CUX2: variants seen among roughly 807,000 people sequenced by gnomAD.
CUX2 encodes the protein cut like homeobox 2.
CUX2 carries 40 observed loss-of-function variants against 144.8 expected under a neutral mutation model. That is an observed-to-expected ratio of 0.28 (90% CI 0.21 to 0.36). The LOEUF is 0.36. CUX2 is among the 10% of genes least tolerant of loss of function. The pLI, the probability that CUX2 is intolerant of heterozygous loss-of-function variation, is 1.00. For synonymous variants in CUX2, 827 were observed against 875.6 expected (o/e 0.94, Z 0.98); for missense variants, 1,615 against 1,994.0 (o/e 0.81, Z 3.62).
chr12:111,161,025 G>A (rs1877727337), intron 1 of CUX2, among the ~76,000 whole-genome samples: 2 of 152,168 alleles, frequency 1.3e-5, no homozygotes, highest in Non-Finnish European at 2.9e-5. Context: ...GCAGTGGGTG[G>A]GTGGTGGAGC....
chr12:111,324,111 G>T (rs1887661442), intron 18 of CUX2, among the ~76,000 whole-genome samples: 1 of 152,080 alleles, frequency 6.6e-6, no homozygotes. Context: ...AGCACTTTGG[G>T]AGGCCAAGGC....
At chr12:111,279,960 G>T (rs889717744) in intron 4 of CUX2, among the ~76,000 whole-genome samples, 1 of 149,574 alleles carries the variant, frequency 6.7e-6, no homozygotes, top group Non-Finnish European at 1.5e-5. Context: ...CCAGCCTGGC[G>T]AAAGAGCGAG....
intron 10 of CUX2, among the ~76,000 whole-genome samples, chr12:111,306,389 T>G (rs1886583226): frequency 6.6e-6 from 1 of 151,894 alleles, no homozygotes; most frequent in African/African-American, 2.4e-5. Flanking sequence ...CAGCCTGACT[T>G]CAGGTTCCTC....
intron 4 of CUX2, among the ~76,000 whole-genome samples, chr12:111,281,944 T>C (rs1255513541): frequency 2.6e-5 from 4 of 152,010 alleles, no homozygotes; most frequent in Non-Finnish European, 4.4e-5. Flanking sequence ...AGCCTCGGAC[T>C]GCAGCACGGC....
At chr12:111,132,270 C>T (rs890038380) in intron 1 of CUX2, among the ~76,000 whole-genome samples, 6 of 152,184 alleles carry the variant, frequency 3.9e-5, no homozygotes, top group African/African-American at 1.2e-4. Context: ...GCAGCTGGGA[C>T]ACAGGGCACC....
At chr12:111,301,433 G>A (rs1472257694) in intron 9 of CUX2, among the ~76,000 whole-genome samples, 1 of 152,256 alleles carries the variant, frequency 6.6e-6, no homozygotes, top group African/African-American at 2.4e-5. Context: ...CCTCCCAAGT[G>A]TCATGTGGAC....
chr12:111,226,729 C>A (rs930900057), intron 3 of CUX2, among the ~76,000 whole-genome samples: 1 of 152,074 alleles, frequency 6.6e-6, no homozygotes, highest in Admixed American at 6.5e-5. Context: ...TGGCCTTGTG[C>A]GAATGTTGTA....
chr12:111,093,479 A>G (rs1004897095), intron 1 of CUX2, among the ~76,000 whole-genome samples: 2 of 152,022 alleles, frequency 1.3e-5, no homozygotes, highest in Non-Finnish European at 2.9e-5. Context: ...CTCGTCTGCC[A>G]CTTCTAAAAG....
At chr12:111,244,649 G>T (rs920186082) in intron 3 of CUX2, among the ~76,000 whole-genome samples, 1 of 152,160 alleles carries the variant, frequency 6.6e-6, no homozygotes, top group Admixed American at 6.5e-5. Flanking sequence ...CTACTTACAG[G>T]TAATGCTGGG....
rs191917912 is a variant in CUX2 at position 111,209,392 on chromosome 12, T to C, written c.64-4808T>C. ...CTGGGTGACAGAGCAAGACCCTATCTAAAAAAAAATTTTGTAATTCACTAA... is the reference window on the plus strand; with the variant it reads ...CTGGGTGACAGAGCAAGACCCTATCCAAAAAAAAATTTTGTAATTCACTAA... On this transcript the variant is annotated intron_variant, in intron 1 of 21. Transcript: ENST00000261726. Among the ~76,000 whole-genome samples, 3 of 151,848 alleles carry C rather than the reference T, an allele frequency of 2.0e-5. No homozygotes were observed. In the East Asian group the frequency reaches 5.8e-4, roughly 29 times the overall value.
intron 4 of CUX2, among the ~76,000 whole-genome samples, chr12:111,269,575 G>A (rs1357698780): frequency 6.6e-6 from 1 of 152,186 alleles, no homozygotes; most frequent in Non-Finnish European, 1.5e-5. Flanking sequence ...GGGGACACCA[G>A]CATGTCTAGT....
In CUX2 at chr12:111,320,458, G is replaced by T; in HGVS notation, c.2449G>T (p.Gly817Cys). 6.3e-7 allele frequency: 1 copy of T among 1,594,326 alleles called. No individual in the cohort carries two copies. Among genetic ancestry groups the T allele is most frequent in the Non-Finnish European group, 8.5e-7 (1 of 1,176,320 alleles). Reference sequence around the variant, plus strand: ...CTCCTCCTCCTCCTCTGGCTACTCTGGCCAGCCCAACGGCCGCGCCTGGCC... The same window carrying T: ...CTCCTCCTCCTCCTCTGGCTACTCTTGCCAGCCCAACGGCCGCGCCTGGCC... ...LSSSSSSGYSGQPNGRAWPRG... is the reference protein window; with the variant it reads ...LSSSSSSGYSCQPNGRAWPRG... Residue 817 changes from glycine to cysteine, a missense_variant, in exon 17 of 22, where the codon GGC becomes TGC. Transcript: ENST00000261726. The surrounding 1 kb of genome is among the most constrained non-coding windows in gnomAD (Gnocchi z 8.1).
intron 4 of CUX2, among the ~76,000 whole-genome samples, chr12:111,280,466 T>C (rs181639322): frequency 6.6e-6 from 1 of 152,262 alleles, no homozygotes; most frequent in Admixed American, 6.5e-5. Context: ...TACTGACACC[T>C]GGATTTTGGA....
At chr12:111,316,828 T>C (rs1313739395) in intron 16 of CUX2, among the ~76,000 whole-genome samples, 2 of 152,120 alleles carry the variant, frequency 1.3e-5, no homozygotes. Flanking sequence ...TCTCTCCAGT[T>C]CACACATGTT....
chr12:111,228,536 G>A (rs1263215411), intron 3 of CUX2, among the ~76,000 whole-genome samples: 1 of 152,110 alleles, frequency 6.6e-6, no homozygotes, highest in Non-Finnish European at 1.5e-5. Flanking sequence ...CGATTCTCCT[G>A]CCTCAGCCTC....
At chr12:111,063,438 G>C (rs982227472) in intron 1 of CUX2, among the ~76,000 whole-genome samples, 3 of 152,144 alleles carry the variant, frequency 2.0e-5, no homozygotes, top group Non-Finnish European at 4.4e-5. Flanking sequence ...GAGCATGTGA[G>C]ACGCTGTGCT....
intron 1 of CUX2, among the ~76,000 whole-genome samples, chr12:111,192,111 T>G (rs1026289443): frequency 1.3e-5 from 2 of 152,034 alleles, no homozygotes; most frequent in African/African-American, 4.8e-5. Context: ...CTGAGGGGAT[T>G]ATTATTATTT....
intron 1 of CUX2, among the ~76,000 whole-genome samples, chr12:111,070,393 T>TTTCCTTCCTTCCTTCC (rs143464416): frequency 9.1e-5 from 9 of 99,374 alleles, no homozygotes; most frequent in African/African-American, 3.5e-4. Context: ...TCCTTCCTTC[T>TTTCCTTCCTTCCTTCC]TTCCTTCCTT....
chr12:111,188,542 G>A (rs991305060), intron 1 of CUX2, among the ~76,000 whole-genome samples: 2 of 152,134 alleles, frequency 1.3e-5, no homozygotes, highest in Non-Finnish European at 2.9e-5. Flanking sequence ...AAAAATCTAG[G>A]GAGAAAGAGG....
Sources: gnomAD v4.1 joint callset for allele counts (sites outside exome capture counted in the v4.1 genomes callset) on GRCh38, gnomAD v4.1.1 for gene constraint, Gnocchi (gnomAD v3.1) non-coding constraint, MANE v1.5 for transcripts, NCBI Gene and HGNC (gene_info 2026-07-23, HGNC 2026-07-21) for gene names.